NCOR2: variants seen among roughly 807,000 people sequenced by gnomAD.
NCOR2 encodes CTG repeat protein 26.
NCOR2 carries 81 observed loss-of-function variants against 262.9 expected under a neutral mutation model. That is an observed-to-expected ratio of 0.31 (90% CI 0.26 to 0.37). The LOEUF is 0.37. Ranked by LOEUF, NCOR2 falls within the 10% of genes least tolerant of loss-of-function variation. The pLI, the probability that NCOR2 is intolerant of heterozygous loss-of-function variation, is 1.00. For missense variants in NCOR2, 3,385 were observed against 3,621.4 expected (o/e 0.93, Z 1.68); for synonymous variants, 1,659 against 1,559.3 (o/e 1.06, Z -1.51).
Position 124,549,163 on chromosome 12 carries a change from C to T in NCOR2, c.-164-13552G>A, listed in dbSNP as rs2051633052. ...AGCTAACCTCTCTGAGCCTTCGCTGCTTGCCTGGCAATGATGATGGTTGCT... is the reference window on the plus strand; with the variant it reads ...AGCTAACCTCTCTGAGCCTTCGCTGTTTGCCTGGCAATGATGATGGTTGCT... On this transcript the variant is annotated intron_variant, in intron 1 of 32. Coordinates refer to the NCOR2 transcript ENST00000458234. The surrounding 1 kb of genome is among the most constrained non-coding windows in gnomAD (Gnocchi z 4.4). Among the ~76,000 whole-genome samples the T allele has an allele frequency of 6.6e-6, 1 of 152,094 alleles. No individual in the cohort carries two copies. The highest frequency in any genetic ancestry group is 1.5e-5 in the Non-Finnish European group (1 of 67,998).
chr12:124,503,781 C>T lies in NCOR2; in HGVS notation c.-117-8413G>A, dbSNP rs938486882. ...ATGGATGGATGGATGGATGGATGGG[C>T]GGATGGATGCACACACTCATCACCA... On this transcript the variant is annotated intron_variant, in intron 1 of 46. Transcript: ENST00000404621. The surrounding 1 kb of genome is among the most constrained non-coding windows in gnomAD (Gnocchi z 4.3). Among the ~76,000 whole-genome samples, 1 of 151,704 alleles carries T rather than the reference C, an allele frequency of 6.6e-6. No homozygotes were observed. Among genetic ancestry groups the T allele is most frequent in the Non-Finnish European group, 1.5e-5 (1 of 67,924 alleles).
At chr12:124,380,380 G>A (rs931781895) in intron 17 of NCOR2, among the ~76,000 whole-genome samples, 11 of 152,230 alleles carry the variant, frequency 7.2e-5, no homozygotes, top group East Asian at 1.9e-4. Context: ...CTGCTCGTCC[G>A]TTAGTCACAG....
At chr12:124,400,515 T>C (rs1475928442) in exon 15 of NCOR2, 2 of 1,613,692 alleles carry the variant, frequency 1.2e-6, no homozygotes, top group Non-Finnish European at 1.7e-6. Flanking sequence ...CTCGGCGCTC[T>C]GCTGGGGGGT....
intron 11 of NCOR2, among the ~76,000 whole-genome samples, chr12:124,425,909 A>G (rs2043516022): frequency 6.6e-6 from 1 of 152,174 alleles, no homozygotes; most frequent in East Asian, 1.9e-4. Context: ...CATAAGGGAC[A>G]GGAGGGGGAA....
At chr12:124,536,912 A>G (rs2051131048), upstream of NCOR2, among the ~76,000 whole-genome samples, 1 of 152,238 alleles carries the variant, frequency 6.6e-6, no homozygotes, top group African/African-American at 2.4e-5. Context: ...GTCCATCGAC[A>G]GGTGAACGGA....
intron 12 of NCOR2, among the ~76,000 whole-genome samples, chr12:124,422,013 A>T (rs1048731057): frequency 2.0e-5 from 3 of 152,190 alleles, no homozygotes; most frequent in African/African-American, 7.2e-5. Flanking sequence ...TTGGCATTAG[A>T]GGTGTCAGAA....
intron 1 of NCOR2, among the ~76,000 whole-genome samples, chr12:124,550,368 C>T (rs1566051800): frequency 6.6e-6 from 1 of 152,202 alleles, no homozygotes; most frequent in Non-Finnish European, 1.5e-5. Context: ...CCAGGTCCCA[C>T]TGACTCACAG....
chr12:124,329,260 G>A (rs1406061838), intron 44 of NCOR2: 9 of 413,060 alleles, frequency 2.2e-5, no homozygotes, highest in South Asian at 7.0e-5. Context: ...TCAGGAGTTC[G>A]AGATCAGCCT....
At position 124,340,636 on chromosome 12, in the gene NCOR2, GA is replaced by G; in HGVS notation, c.5303del (p.Phe1768SerfsTer18). On this transcript the variant is annotated frameshift_variant, in exon 35 of 47. Transcript: ENST00000405201. LOFTEE classifies it high-confidence loss of function. Reference sequence around the variant, plus strand: ...GTGGGGAGCTGCTGTGGCGGCTGCTGAAGGGCTGGGGCGCGGTGGGGAGGTA... The same window carrying G: ...GTGGGGAGCTGCTGTGGCGGCTGCTGAGGGCTGGGGCGCGGTGGGGAGGTA... The G allele has an allele frequency of 6.7e-7, 1 of 1,497,196 alleles. No individual in the cohort carries two copies. The allele number at this position is 1,497,196 out of a possible 1,614,324, so 92.7% of individuals were successfully genotyped here.
At chr12:124,477,504 T>C (rs372153928) in intron 3 of NCOR2, among the ~76,000 whole-genome samples, 2 of 152,200 alleles carry the variant, frequency 1.3e-5, no homozygotes, top group Non-Finnish European at 2.9e-5. Context: ...TTAATGAGTA[T>C]GGGGGTCTCC....
intron 17 of NCOR2, 36 bp downstream of exon 19, chr12:124,385,709 T>C (rs1308749939): frequency 6.2e-7 from 1 of 1,607,904 alleles, no homozygotes; most frequent in Admixed American, 1.7e-5. Context: ...TCTCCCAGCT[T>C]CCCAGAGGCG....
At chr12:124,332,225 G>A (rs1005818828) in intron 43 of NCOR2, 94 bp downstream of exon 45, 26 of 1,496,828 alleles carry the variant, frequency 1.7e-5, no homozygotes, top group Admixed American at 3.5e-5. Context: ...AAGGTGCACC[G>A]TGGGTTTCTG....
chr12:124,354,672 A>G, intron 25 of NCOR2, 90 bp from the exon 28 acceptor site: 1 of 1,335,220 alleles, frequency 7.5e-7, no homozygotes, highest in South Asian at 1.5e-5. Flanking sequence ...GGGGCTGGGA[A>G]GCGCTGCCCC....
chr12:124,403,762 G>A (rs1031202844), intron 13 of NCOR2, among the ~76,000 whole-genome samples: 50 of 152,110 alleles, frequency 3.3e-4, no homozygotes, highest in African/African-American at 1.2e-3. Flanking sequence ...TGCCTGACCC[G>A]CACACAACGC....
rs1350479389 is a variant in NCOR2 at position 124,507,213 on chromosome 12, GTT to G, written c.-117-11847_-117-11846del. On this transcript the variant is annotated intron_variant, in intron 1 of 46. Coordinates refer to the NCOR2 transcript ENST00000404621. ...GGCTGGGGAGAGCGAGGAAGGGGGA[GTT>G]ACTGTTTAACAGATATAGCGATTCA... Among the ~76,000 whole-genome samples the G allele has an allele frequency of 3.3e-5, 5 of 152,192 alleles. No homozygotes were observed. The East Asian group carries it at 7.7e-4, about 23-fold the overall frequency.
chr12:124,523,579 A>G lies in NCOR2; in HGVS notation c.-118+11986T>C, dbSNP rs1386095149. ...CAGTCTTTTGGCTTCACTGGGCCACACTAAAAGAACTGTCTCGGATCACAC... is the reference window on the plus strand; with the variant it reads ...CAGTCTTTTGGCTTCACTGGGCCACGCTAAAAGAACTGTCTCGGATCACAC... On this transcript the variant is annotated intron_variant, in intron 1 of 46. Transcript: ENST00000404621. The surrounding 1 kb of genome is among the most constrained non-coding windows in gnomAD (Gnocchi z 4.0). Among the ~76,000 whole-genome samples, 5 of 151,588 alleles carry G rather than the reference A, an allele frequency of 3.3e-5. No individual in the cohort carries two copies. Among genetic ancestry groups the G allele is most frequent in the Non-Finnish European group, 7.4e-5 (5 of 67,960 alleles).
chr12:124,326,011 G>T, intron 46 of NCOR2, 180 bp downstream of exon 48: 1 of 629,746 alleles, frequency 1.6e-6, no homozygotes, highest in Non-Finnish European at 2.4e-6. Flanking sequence ...CCTGGCAGAA[G>T]CATCCTGATG....
At chr12:124,480,844 G>A (rs1239418225) in intron 3 of NCOR2, among the ~76,000 whole-genome samples, 1 of 146,590 alleles carries the variant, frequency 6.8e-6, no homozygotes, top group East Asian at 2.1e-4. Context: ...GGGGGTAGGG[G>A]GTGGGGGAGC....
At chr12:124,357,237 C>T (rs896871870) in intron 22 of NCOR2, among the ~76,000 whole-genome samples, 5 of 152,222 alleles carry the variant, frequency 3.3e-5, no homozygotes, top group African/African-American at 1.2e-4. Context: ...CAGCCTTCAC[C>T]TCTGGGCTCA....
Sources: allele counts gnomAD v4.1 joint callset (sites outside exome capture counted in the v4.1 genomes callset), GRCh38; gene constraint gnomAD v4.1.1; non-coding constraint Gnocchi (gnomAD v3.1); transcripts MANE v1.5; gene names NCBI Gene and HGNC (gene_info 2026-07-23, HGNC 2026-07-21).